Variants in HERC4 observed in about 807,000 individuals in gnomAD.
The protein encoded by HERC4 is HECT and RLD domain containing E3 ubiquitin protein ligase 4.
HERC4 carries 28 observed loss-of-function variants against 124.3 expected under a neutral mutation model. The ratio of observed to expected loss-of-function variants is 0.23; its 90% confidence interval spans 0.17 to 0.31. The LOEUF (loss-of-function observed/expected upper bound fraction) is 0.31, where lower values mean the gene tolerates loss of function less well. Ranked by LOEUF, HERC4 falls within the 10% of genes least tolerant of loss-of-function variation. HERC4 has a pLI of 1.00. For missense variants in HERC4, 713 were observed against 1,229.3 expected (o/e 0.58, Z 6.28); for synonymous variants, 407 against 421.5 (o/e 0.97, Z 0.42).
At position 67,954,613 on chromosome 10, in the gene HERC4, G is replaced by A; in HGVS notation, c.2319C>T (p.Leu773=). Reference sequence around the variant, plus strand: ...ATTTTACCTTATCAGAAAACCAAATGAGCCTGGAATCTTCATAATACCTAA... The same window carrying A: ...ATTTTACCTTATCAGAAAACCAAATAAGCCTGGAATCTTCATAATACCTAA... The part of the protein sequence containing the change: ...GMFRYYEDSR[L]IWFSDKTFED... Residue 773 remains leucine (L), a synonymous_variant, in exon 19 of 25, where the codon CTC becomes CTT. Transcript: ENST00000373700. 6.2e-7 allele frequency: 1 copy of A among 1,612,088 alleles called. No homozygotes were observed. The highest frequency in any genetic ancestry group is 8.5e-7 in the Non-Finnish European group (1 of 1,178,868).
chr10:67,944,602 G>A (rs992166124), intron 19 of HERC4, among the ~76,000 whole-genome samples: 2 of 152,100 alleles, frequency 1.3e-5, no homozygotes, highest in African/African-American at 2.4e-5. Context: ...CTCACCAAAC[G>A]AACTAAATAA....
intron 9 of HERC4, among the ~76,000 whole-genome samples, chr10:67,997,987 C>G (rs761881180): frequency 5.9e-5 from 9 of 152,010 alleles, no homozygotes; most frequent in Non-Finnish European, 1.2e-4. Flanking sequence ...CTGCAACCGC[C>G]TCCCGGGTTC....
intron 7 of HERC4, among the ~76,000 whole-genome samples, chr10:68,029,747 T>C (rs910662261): frequency 7.0e-6 from 1 of 142,988 alleles, no homozygotes; most frequent in Non-Finnish European, 1.5e-5. Context: ...TAACACTTTG[T>C]TTTTTTTTTT....
chr10:67,926,427 A>G (rs548062706), intron 23 of HERC4, among the ~76,000 whole-genome samples: 2 of 149,740 alleles, frequency 1.3e-5, no homozygotes, highest in Non-Finnish European at 3.0e-5. Flanking sequence ...AAAAAAAAAA[A>G]AAAACAAAAA....
chr10:68,006,480 T>C (rs551032664), intron 9 of HERC4, among the ~76,000 whole-genome samples: 4 of 151,828 alleles, frequency 2.6e-5, no homozygotes, highest in African/African-American at 9.7e-5. Flanking sequence ...CAAGCAATTC[T>C]CCTGTCTCAG....
At position 68,073,105 on chromosome 10, in the gene HERC4, A is replaced by G. The variant is rs1263224030; in HGVS notation, c.4T>C (p.Leu2=). The G allele has an allele frequency of 1.2e-6, 2 of 1,608,292 alleles. No homozygotes were observed. Among genetic ancestry groups the G allele is most frequent in the East Asian group, 2.2e-5 (1 of 44,780 alleles). The change falls in exon 3 of 25, where the codon TTG becomes CTG. Residue 2 remains leucine, a synonymous_variant. Coordinates refer to ENST00000373700, the MANE Select transcript of HERC4 (RefSeq NM_015601.4). ...CCAAAGGATGCATTTCCCCAGCACA[A>G]CATGCTTGTAATTATTTTGGTCTTC... M[L]CWGNASFGQL... is the part of the protein sequence containing the mutation.
At chr10:67,999,104 T>C (rs1271713810) in intron 9 of HERC4, among the ~76,000 whole-genome samples, 1 of 152,194 alleles carries the variant, frequency 6.6e-6, no homozygotes, top group African/African-American at 2.4e-5. Flanking sequence ...GCTGGTTCTT[T>C]TGATATTCTT....
chr10:68,059,459 A>AATATTATATATT lies in HERC4; in HGVS notation c.226+13423_226+13424insAATATATAATAT, dbSNP rs1491587972. On this transcript the variant is annotated intron_variant, in intron 3 of 24. Transcript: ENST00000373700. ...CTATTATAATAATATTATATATTATAATAATATTATATATTATAATATTAT... is the reference window on the plus strand; with the variant it reads ...CTATTATAATAATATTATATATTATAATATTATATATTATAATATTATATATTATAATATTAT... Among the ~76,000 whole-genome samples the AATATTATATATT allele has an allele frequency of 4.0e-4, 33 of 83,198 alleles. No individual in the cohort carries two copies. In the East Asian group the frequency reaches 8.2e-3, roughly 21 times the overall value. The allele number at this position is 83,198 out of a possible 152,430, so 54.6% of individuals were successfully genotyped here.
chr10:67,972,871 T>C (rs1057241297), intron 15 of HERC4, among the ~76,000 whole-genome samples: 5 of 152,174 alleles, frequency 3.3e-5, no homozygotes, highest in Admixed American at 6.5e-5. Context: ...ATGAGGAAAT[T>C]TGAAATATGC....
chr10:67,990,876 C>A, intron 13 of HERC4, 28 bp downstream of exon 13: 1 of 1,411,376 alleles, frequency 7.1e-7, no homozygotes, highest in Non-Finnish European at 9.9e-7. Context: ...ACAGATAATA[C>A]TGTAAACATA....
At chr10:68,024,680 A>G (rs780134536) in intron 8 of HERC4, among the ~76,000 whole-genome samples, 4 of 152,230 alleles carry the variant, frequency 2.6e-5, no homozygotes, top group Admixed American at 6.5e-5. Flanking sequence ...CTAATAGTTG[A>G]TAAAACTAAA....
intron 16 of HERC4, 174 bp downstream of exon 16, chr10:67,966,509 C>T (rs1258449268): frequency 5.8e-6 from 3 of 521,576 alleles, no homozygotes; most frequent in Non-Finnish European, 3.2e-6. Context: ...AGAATGTTTG[C>T]ATATAAATAT....
At chr10:67,930,305 C>T (rs1251050806) in intron 23 of HERC4, among the ~76,000 whole-genome samples, 1 of 152,136 alleles carries the variant, frequency 6.6e-6, no homozygotes, top group East Asian at 1.9e-4. Context: ...TTTAAGTGTA[C>T]ACTTCAGTAG....
intron 3 of HERC4, 66 bp from the exon 4 acceptor site, chr10:68,044,629 C>G: frequency 6.9e-7 from 1 of 1,449,316 alleles, no homozygotes. Flanking sequence ...ATATTGCATT[C>G]TAGTTTTGAA....
intron 9 of HERC4, among the ~76,000 whole-genome samples, chr10:68,010,003 G>A (rs1384262036): frequency 6.6e-6 from 1 of 151,922 alleles, no homozygotes; most frequent in African/African-American, 2.4e-5. Context: ...CATGATATGG[G>A]GATTAAAATC....
intron 19 of HERC4, among the ~76,000 whole-genome samples, chr10:67,950,134 A>G (rs902301232): frequency 1.1e-4 from 16 of 152,210 alleles, no homozygotes; most frequent in Non-Finnish European, 2.4e-4. Flanking sequence ...ACAGAAGGGA[A>G]TTTCCTTAAC....
chr10:67,925,538 AG>A (rs1290225105), intron 23 of HERC4, among the ~76,000 whole-genome samples: 1 of 152,204 alleles, frequency 6.6e-6, no homozygotes, highest in Non-Finnish European at 1.5e-5. Flanking sequence ...CATGAACAGA[AG>A]TCAAACCATT....
At chr10:68,029,239 C>T (rs1010415831) in intron 7 of HERC4, among the ~76,000 whole-genome samples, 2 of 152,124 alleles carry the variant, frequency 1.3e-5, no homozygotes, top group Non-Finnish European at 2.9e-5. Flanking sequence ...GCCTATAATC[C>T]TAGCATTTTG....
At chr10:67,928,367 C>A (rs1308871536) in intron 23 of HERC4, among the ~76,000 whole-genome samples, 1 of 152,156 alleles carries the variant, frequency 6.6e-6, no homozygotes. Context: ...TACTACTACA[C>A]AAGAACCTTC....
Sources: allele counts gnomAD v4.1 joint callset (sites outside exome capture counted in the v4.1 genomes callset), GRCh38; gene constraint gnomAD v4.1.1; transcripts MANE v1.5; gene names NCBI Gene and HGNC (gene_info 2026-07-23, HGNC 2026-07-21).